Variants in TMEM132D observed in about 807,000 individuals in gnomAD.
TMEM132D encodes transmembrane protein 132D, also known as mature OL transmembrane protein.
Under a neutral mutation model 62.3 loss-of-function variants are expected in TMEM132D, and 21 were observed. The ratio of observed to expected loss-of-function variants is 0.34; its 90% CI spans 0.24 to 0.49. The LOEUF (loss-of-function observed/expected upper bound fraction) is 0.49, where lower values mean the gene tolerates loss of function less well. TMEM132D is among the 20% of genes least tolerant of loss of function. The pLI is 0.99. For missense variants in TMEM132D, 1,346 were observed against 1,402.8 expected, an observed-to-expected ratio of 0.96 and a Z score of 0.65; for synonymous variants, 621 against 575.6, an observed-to-expected ratio of 1.08 and a Z score of -1.13.
intron 2 of TMEM132D, among the ~76,000 whole-genome samples, chr12:129,532,458 C>G (rs1321323477): frequency 6.6e-6 from 1 of 152,162 alleles, no homozygotes; most frequent in African/African-American, 2.4e-5. Context: ...CTCATAGGAC[C>G]AGGGCTTTGA....
intron 4 of TMEM132D, among the ~76,000 whole-genome samples, chr12:129,243,162 G>A (rs553985648): frequency 1.3e-5 from 2 of 152,156 alleles, no homozygotes; most frequent in Non-Finnish European, 2.9e-5. Flanking sequence ...GCCTTCTCAG[G>A]TCAAAAATAA....
At chr12:129,561,330 G>A (rs1202650922) in intron 2 of TMEM132D, among the ~76,000 whole-genome samples, 1 of 152,182 alleles carries the variant, frequency 6.6e-6, no homozygotes, top group Non-Finnish European at 1.5e-5. Flanking sequence ...CCTAGGTTTT[G>A]AATCCTCCCT....
At chr12:129,205,812 C>T (rs1878834249) in intron 5 of TMEM132D, among the ~76,000 whole-genome samples, 1 of 151,794 alleles carries the variant, frequency 6.6e-6, no homozygotes, top group Non-Finnish European at 1.5e-5. Flanking sequence ...GAAACCATAC[C>T]AACCATACTC....
intron 4 of TMEM132D, among the ~76,000 whole-genome samples, chr12:129,258,162 T>C (rs1047409451): frequency 6.6e-6 from 1 of 152,204 alleles, no homozygotes; most frequent in African/African-American, 2.4e-5. Context: ...GTTATTTAAA[T>C]GCCCTGAACT....
intron 1 of TMEM132D, chr12:129,839,999 CT>C (rs531110809): frequency 6.6e-6 from 1 of 152,172 alleles, no homozygotes; most frequent in Non-Finnish European, 1.5e-5. Flanking sequence ...AAATGCACCC[CT>C]GATCAGTAAA....
chr12:129,482,822 C>G (rs1593031508), intron 3 of TMEM132D, among the ~76,000 whole-genome samples: 2 of 151,662 alleles, frequency 1.3e-5, no homozygotes, highest in East Asian at 3.9e-4. Flanking sequence ...TTTCATTAGC[C>G]TTTTTTCACC....
At chr12:129,509,380 G>A (rs933529456) in intron 3 of TMEM132D, among the ~76,000 whole-genome samples, 5 of 151,896 alleles carry the variant, frequency 3.3e-5, no homozygotes, top group Admixed American at 2.0e-4. Flanking sequence ...TGTTTATGGG[G>A]TACATGAGAT....
At chr12:129,612,515 T>C (rs955433688) in intron 2 of TMEM132D, among the ~76,000 whole-genome samples, 2 of 152,206 alleles carry the variant, frequency 1.3e-5, no homozygotes, top group Non-Finnish European at 2.9e-5. Flanking sequence ...TCCTTAAAAG[T>C]GTAGTAACGT....
chr12:129,291,148 T>C (rs1299574804), intron 4 of TMEM132D, among the ~76,000 whole-genome samples: 1 of 152,186 alleles, frequency 6.6e-6, no homozygotes, highest in African/African-American at 2.4e-5. Context: ...AAACTCCCCA[T>C]CAGTCAATGG....
chr12:129,276,444 A>G (rs1881010231), intron 4 of TMEM132D, among the ~76,000 whole-genome samples: 1 of 152,188 alleles, frequency 6.6e-6, no homozygotes, highest in Non-Finnish European at 1.5e-5. Context: ...GGATTTATGG[A>G]ATTTGTCAGT....
chr12:129,137,877 G>A (rs1876631215), intron 5 of TMEM132D, among the ~76,000 whole-genome samples: 1 of 146,892 alleles, frequency 6.8e-6, no homozygotes, highest in African/African-American at 2.5e-5. Context: ...TCCTTGTCAT[G>A]AGCAAATAAG....
intron 2 of TMEM132D, among the ~76,000 whole-genome samples, chr12:129,623,473 C>G (rs1879125384): frequency 6.6e-6 from 1 of 152,020 alleles, no homozygotes; most frequent in African/African-American, 2.4e-5. Context: ...ATACCACTCT[C>G]TATGACTTTG....
intron 3 of TMEM132D, among the ~76,000 whole-genome samples, chr12:129,445,429 G>A (rs1873068888): frequency 6.6e-6 from 1 of 152,038 alleles, no homozygotes; most frequent in Non-Finnish European, 1.5e-5. Flanking sequence ...TACCTATCCT[G>A]CACATGTACC....
intron 3 of TMEM132D, among the ~76,000 whole-genome samples, chr12:129,492,443 A>C (rs999301543): frequency 6.6e-6 from 1 of 152,234 alleles, no homozygotes; most frequent in African/African-American, 2.4e-5. Flanking sequence ...ACATCTCATT[A>C]GACATCAGAT....
intron 4 of TMEM132D, among the ~76,000 whole-genome samples, chr12:129,287,100 C>A (rs1593323999): frequency 6.6e-6 from 1 of 151,220 alleles, no homozygotes; most frequent in Admixed American, 6.6e-5. Context: ...ATGGCTGATT[C>A]CAGCCTAAAA....
chr12:129,295,164 C>T (rs995546386), intron 4 of TMEM132D, among the ~76,000 whole-genome samples: 1 of 152,200 alleles, frequency 6.6e-6, no homozygotes, highest in Admixed American at 6.5e-5. Context: ...AACACTGATT[C>T]TTTGTAGTTC....
At chr12:129,081,185 T>A (rs1874435279) in intron 7 of TMEM132D, among the ~76,000 whole-genome samples, 1 of 152,200 alleles carries the variant, frequency 6.6e-6, no homozygotes, top group African/African-American at 2.4e-5. Context: ...CTACCATGGC[T>A]TGGGCAAAAT....
intron 3 of TMEM132D, among the ~76,000 whole-genome samples, chr12:129,491,660 G>A (rs1362487307): frequency 6.6e-6 from 1 of 152,142 alleles, no homozygotes; most frequent in Non-Finnish European, 1.5e-5. Context: ...TGCTTATTGG[G>A]GCCAGGTGCT....
chr12:129,718,932 T>C (rs1412493990), intron 1 of TMEM132D, among the ~76,000 whole-genome samples: 1 of 151,988 alleles, frequency 6.6e-6, no homozygotes, highest in African/African-American at 2.4e-5. Flanking sequence ...TGATCATCTA[T>C]CTTAATAAGA....
Sources: allele counts gnomAD v4.1 joint callset (sites outside exome capture counted in the v4.1 genomes callset), GRCh38; gene constraint gnomAD v4.1.1; transcripts MANE v1.5; gene names NCBI Gene and HGNC (gene_info 2026-07-23, HGNC 2026-07-21).